Variants in VAMP7 observed in about 807,000 individuals in gnomAD.
The protein encoded by VAMP7 is vesicle associated membrane protein 7.
Under a neutral mutation model 29.6 loss-of-function variants are expected in VAMP7, and 14 were observed. That is an observed-to-expected ratio of 0.47 (90% CI 0.31 to 0.74). The LOEUF (loss-of-function observed/expected upper bound fraction) is 0.74. Ranked by LOEUF, VAMP7 falls within the 30% of genes least tolerant of loss-of-function variation. The pLI, the probability that VAMP7 is intolerant of heterozygous loss-of-function variation, is 0.05. For synonymous variants in VAMP7, 95 were observed against 88.1 expected (o/e 1.08, Z -0.44); for missense variants, 223 against 262.4 (o/e 0.85, Z 1.04).
chrX:155,898,284 A>G (rs2066014029), intron 4 of VAMP7, 35 bp downstream of exon 4: 1 of 1,606,964 alleles, frequency 6.2e-7, no homozygotes, highest in Non-Finnish European at 8.5e-7. Flanking sequence ...ATTTTGATTT[A>G]TATCTTCTTC....
At chrX:155,888,183 C>T (rs751093551) in intron 1 of VAMP7, among the ~76,000 whole-genome samples, 1 of 152,190 alleles carries the variant, frequency 6.6e-6, no homozygotes, top group African/African-American at 2.4e-5. Context: ...GCACCTTCTG[C>T]TCTGTGTGCT....
intron 6 of VAMP7, among the ~76,000 whole-genome samples, chrX:155,931,818 T>C (rs1214226181): frequency 1.3e-5 from 2 of 152,194 alleles, no homozygotes; most frequent in Non-Finnish European, 2.9e-5. Context: ...CTAGGTTTTC[T>C]TCTAGGGTTT....
chrX:155,895,609 C>A lies in VAMP7; in HGVS notation c.147-14C>A. The A allele has an allele frequency of 6.3e-7, 1 of 1,596,364 alleles. No individual in the cohort carries two copies. Among genetic ancestry groups the A allele is most frequent in the Non-Finnish European group, 8.6e-7 (1 of 1,164,370 alleles). On this transcript the variant is annotated splice_polypyrimidine_tract_variant and intron_variant, in intron 2 of 7. Coordinates refer to ENST00000286448, the MANE Select transcript of VAMP7 (RefSeq NM_005638.6). ...CTTATAACCACAGTAAGTTTTATAT[C>A]TTTTATTCTACAGTTATTTGTTTCA...
intron 5 of VAMP7, among the ~76,000 whole-genome samples, chrX:155,907,322 CG>C (rs1166569553): frequency 2.3e-4 from 35 of 151,574 alleles, no homozygotes; most frequent in Non-Finnish European, 3.7e-4. Flanking sequence ...TTCTCACAGA[CG>C]GGGATTTGGC....
chrX:155,938,591 C>A (rs1202384441), intron 6 of VAMP7, among the ~76,000 whole-genome samples: 2 of 152,166 alleles, frequency 1.3e-5, no homozygotes, highest in African/African-American at 4.8e-5. Flanking sequence ...CTCCCTTCTC[C>A]CTTCTTTTAG....
intron 1 of VAMP7, among the ~76,000 whole-genome samples, chrX:155,885,196 A>G (rs2065850966): frequency 6.6e-6 from 1 of 152,310 alleles, no homozygotes; most frequent in East Asian, 1.9e-4. Flanking sequence ...GAACAAAAAT[A>G]TCCTTTCTTT....
chrX:155,885,335 G>A (rs2065852523), intron 1 of VAMP7, among the ~76,000 whole-genome samples: 1 of 152,146 alleles, frequency 6.6e-6, no homozygotes, highest in African/African-American at 2.4e-5. Context: ...GTTTTAGAGA[G>A]GGAGGCAAGT....
At chrX:155,908,496 C>A (rs2066184215) in intron 5 of VAMP7, among the ~76,000 whole-genome samples, 1 of 152,038 alleles carries the variant, frequency 6.6e-6, no homozygotes, top group Non-Finnish European at 1.5e-5. Context: ...GTAGTACAGT[C>A]CAGCTTCGGC....
chrX:155,928,339 A>G (rs937127148), intron 6 of VAMP7, among the ~76,000 whole-genome samples: 5 of 152,210 alleles, frequency 3.3e-5, no homozygotes, highest in Admixed American at 2.6e-4. Context: ...GCTTAAAACA[A>G]CAAAAATTTA....
chrX:155,902,277 A>G (rs1363790257), intron 5 of VAMP7, among the ~76,000 whole-genome samples: 4 of 152,082 alleles, frequency 2.6e-5, no homozygotes, highest in Admixed American at 1.3e-4. Context: ...GGCTGAGACA[A>G]TGGGGTTTTC....
chrX:155,888,833 T>C (rs2065895276), intron 1 of VAMP7, among the ~76,000 whole-genome samples: 3 of 152,182 alleles, frequency 2.0e-5, no homozygotes. Flanking sequence ...CCACACTTAC[T>C]AGCTCTGTAA....
At chrX:155,931,280 C>G (rs1481252110) in intron 6 of VAMP7, among the ~76,000 whole-genome samples, 1 of 152,166 alleles carries the variant, frequency 6.6e-6, no homozygotes, top group African/African-American at 2.4e-5. Context: ...CCTGAGGAAT[C>G]GCCACACTGT....
rs1347878283 is a variant in VAMP7, at chrX:155,941,999, A to G, written c.*48A>G. On this transcript the variant is annotated 3_prime_UTR_variant, in exon 8 of 8. Transcript: ENST00000286448. ...CAAGGATATGAGAGAACAAGGAGTTAAAAGCAATCCATGTGACTCAAGCCT... is the reference window on the plus strand; with the variant it reads ...CAAGGATATGAGAGAACAAGGAGTTGAAAGCAATCCATGTGACTCAAGCCT... 1.9e-6 allele frequency: 3 copies of G among 1,613,532 alleles called. No individual in the cohort carries two copies. Among genetic ancestry groups the G allele is most frequent in the Admixed American group, 3.3e-5 (2 of 59,882 alleles).
chrX:155,913,137 T>C (rs1292996488), intron 5 of VAMP7, among the ~76,000 whole-genome samples: 1 of 151,470 alleles, frequency 6.6e-6, no homozygotes, highest in Admixed American at 6.6e-5. Flanking sequence ...GATGATGAGC[T>C]TTTTTTTCAT....
intron 6 of VAMP7, among the ~76,000 whole-genome samples, chrX:155,921,237 C>A (rs1360259102): frequency 1.3e-5 from 2 of 152,136 alleles, no homozygotes; most frequent in South Asian, 4.1e-4. Flanking sequence ...ACAGGTATCT[C>A]TCTTTATGGT....
chrX:155,933,584 T>C (rs1266140318), intron 6 of VAMP7, among the ~76,000 whole-genome samples: 1 of 152,178 alleles, frequency 6.6e-6, no homozygotes, highest in African/African-American at 2.4e-5. Context: ...GTCTATTTGA[T>C]TCTTCTCTCT....
intron 6 of VAMP7, among the ~76,000 whole-genome samples, chrX:155,932,249 T>C (rs1476510236): frequency 2.6e-5 from 4 of 152,158 alleles, no homozygotes; most frequent in Non-Finnish European, 5.9e-5. Context: ...GTGAAGAAAG[T>C]CATTGGTAGC....
At chrX:155,914,609 A>G (rs190803522) in intron 5 of VAMP7, among the ~76,000 whole-genome samples, 11 of 152,206 alleles carry the variant, frequency 7.2e-5, no homozygotes, top group Admixed American at 3.3e-4. Context: ...TTCTGCATCT[A>G]TTGAGATAAT....
intron 5 of VAMP7, among the ~76,000 whole-genome samples, chrX:155,903,846 C>T: frequency 6.6e-6 from 1 of 152,086 alleles, no homozygotes; most frequent in East Asian, 1.9e-4. Context: ...CCCAGCCATC[C>T]CATTACTGGG....
Sources: gnomAD v4.1 joint callset for allele counts (sites outside exome capture counted in the v4.1 genomes callset) on GRCh38, gnomAD v4.1.1 for gene constraint, MANE v1.5 for transcripts, NCBI Gene and HGNC (gene_info 2026-07-23, HGNC 2026-07-21) for gene names.